The following PTPN22 variants were observed in gnomAD, a reference collection of about 807,000 sequenced individuals.
The protein encoded by PTPN22 is tyrosine-protein phosphatase non-receptor type 22.
Under a neutral mutation model 103.3 loss-of-function variants are expected in PTPN22, and 85 were observed. The ratio of observed to expected loss-of-function variants is 0.82; its 90% CI spans 0.69 to 0.99. The LOEUF is 0.99. Among genes scored for constraint, PTPN22 ranks in the 50% least tolerant of loss-of-function variants. The pLI is 0.00. For missense variants in PTPN22, 865 were observed against 936.9 expected, an observed-to-expected ratio of 0.92 and a Z score of 1.00; for synonymous variants, 323 against 310.2, an observed-to-expected ratio of 1.04 and a Z score of -0.43.
At chr1:113,861,237 G>GT (rs1553253300) in intron 1 of PTPN22, among the ~76,000 whole-genome samples, 1 of 151,718 alleles carries the variant, frequency 6.6e-6, no homozygotes, top group Non-Finnish European at 1.5e-5. Context: ...TTTTTTGTTT[G>GT]TTTGTTTTTG....
chr1:113,827,340 C>A (rs1184208675), intron 18 of PTPN22, among the ~76,000 whole-genome samples: 1 of 152,162 alleles, frequency 6.6e-6, no homozygotes, highest in African/African-American at 2.4e-5. Context: ...GTTTCTAATG[C>A]TCCTCCTGTA....
At chr1:113,852,742 G>C (rs1664680931) in intron 9 of PTPN22, among the ~76,000 whole-genome samples, 1 of 152,138 alleles carries the variant, frequency 6.6e-6, no homozygotes, top group South Asian at 2.1e-4. Flanking sequence ...TACACTATTG[G>C]AATCTCCAAA....
intron 14 of PTPN22, 152 bp downstream of exon 14, chr1:113,834,758 A>AGTGAGAC: frequency 1.3e-6 from 1 of 740,784 alleles, no homozygotes; most frequent in East Asian, 2.6e-5. Flanking sequence ...ATGAGGTCTC[A>AGTGAGAC]CTATGTTGCG....
In PTPN22 at chr1:113,858,990, C is replaced by A; in HGVS notation, c.273+12G>T. The A allele has an allele frequency of 6.2e-7, 1 of 1,611,116 alleles. No homozygotes were observed. Among genetic ancestry groups the A allele is most frequent in the Non-Finnish European group, 8.5e-7 (1 of 1,178,860 alleles). On this transcript the variant is annotated intron_variant, in intron 3 of 20. Coordinates refer to ENST00000359785, the Ensembl canonical transcript of PTPN22. Reference sequence around the variant, plus strand: ...GAGAAATATGGAATGCTTTTATTTTCTTTCACTGTACCTTAATGAAGTTGG... The same window carrying A: ...GAGAAATATGGAATGCTTTTATTTTATTTCACTGTACCTTAATGAAGTTGG...
intron 19 of PTPN22, among the ~76,000 whole-genome samples, chr1:113,820,154 A>T (rs1463319960): frequency 6.6e-6 from 1 of 151,882 alleles, no homozygotes; most frequent in East Asian, 1.9e-4. Context: ...ATTATAAGTG[A>T]TTCTAATTTA....
At chr1:113,865,323 A>G (rs1232992122) in intron 1 of PTPN22, among the ~76,000 whole-genome samples, 1 of 152,224 alleles carries the variant, frequency 6.6e-6, no homozygotes, top group Non-Finnish European at 1.5e-5. Flanking sequence ...ATCAGAAAAA[A>G]AGTCATGATT....
At chr1:113,820,747 T>C (rs1406116099) in intron 19 of PTPN22, among the ~76,000 whole-genome samples, 2 of 152,150 alleles carry the variant, frequency 1.3e-5, no homozygotes, top group South Asian at 2.1e-4. Context: ...TGGGAAGATA[T>C]TAAGTGTTTT....
chr1:113,830,922 C>T (rs914592425), intron 16 of PTPN22, among the ~76,000 whole-genome samples: 18 of 152,068 alleles, frequency 1.2e-4, no homozygotes, highest in African/African-American at 4.3e-4. Context: ...TAGAATTTGT[C>T]TTATCAATAA....
At chr1:113,839,251 T>C (rs1443778744) in intron 11 of PTPN22, among the ~76,000 whole-genome samples, 1 of 152,054 alleles carries the variant, frequency 6.6e-6, no homozygotes, top group Non-Finnish European at 1.5e-5. Context: ...TGCTCAATCT[T>C]CTTCTTTTTT....
intron 9 of PTPN22, 84 bp from the exon 10 acceptor site, chr1:113,852,188 G>T: frequency 2.0e-6 from 2 of 992,234 alleles, no homozygotes; most frequent in Non-Finnish European, 3.0e-6. Flanking sequence ...TACTTCCATG[G>T]CATCTGCTCT....
At position 113,826,831 on chromosome 1, in the gene PTPN22, G is replaced by A. The variant is rs1475576880; in HGVS notation, c.2251-1659C>T. ...ACTACAGGCGCCCGCCACTACGCCCGGCTAATTTTTTGTATTTTTAGTAGA... is the reference window on the plus strand; with the variant it reads ...ACTACAGGCGCCCGCCACTACGCCCAGCTAATTTTTTGTATTTTTAGTAGA... On this transcript the variant is annotated intron_variant, in intron 18 of 20. Transcript: ENST00000359785. Among the ~76,000 whole-genome samples the A allele has an allele frequency of 2.0e-5, 3 of 150,698 alleles. No homozygotes were observed. The South Asian group carries it at 6.3e-4, about 32-fold the overall frequency.
At chr1:113,817,189 A>C (rs1661234091) in intron 20 of PTPN22, among the ~76,000 whole-genome samples, 1 of 152,184 alleles carries the variant, frequency 6.6e-6, no homozygotes, top group Non-Finnish European at 1.5e-5. Context: ...ATTGTAACCC[A>C]AGTGGACTAG....
chr1:113,814,496 G>GTT, exon 21 of PTPN22: 1 of 158,304 alleles, frequency 6.3e-6, no homozygotes, highest in Non-Finnish European at 1.4e-5. Context: ...CACAAAGTAA[G>GTT]TTTTTTTTTT....
At chr1:113,830,177 C>G (rs932666494) in intron 16 of PTPN22, 148 bp from the exon 17 acceptor site, 103 of 657,304 alleles carry the variant, frequency 1.6e-4, no homozygotes, top group Non-Finnish European at 2.3e-4. Context: ...TGACTGGAGC[C>G]TCAAGAACTT....
intron 1 of PTPN22, among the ~76,000 whole-genome samples, chr1:113,860,870 C>T (rs1489473301): frequency 2.6e-5 from 4 of 152,146 alleles, no homozygotes; most frequent in African/African-American, 4.8e-5. Context: ...GCTTGTGGAA[C>T]GCTTTCTAGG....
Position 113,843,099 on chromosome 1 carries a change from CA to C in PTPN22, c.916-4480del, listed in dbSNP as rs71090738. 7.7e-4 allele frequency among the ~76,000 whole-genome samples: 37 copies of C among 47,896 alleles called. 1 individual carries two copies. The highest frequency in any genetic ancestry group is 1.1e-3 in the Admixed American group (6 of 5,230). The allele number at this position is 47,896 out of a possible 152,430, so 31.4% of individuals were successfully genotyped here. A position where few individuals can be genotyped will look rare whatever the true frequency, so the allele number is the denominator to read the frequency against. On this transcript the variant is annotated intron_variant, in intron 11 of 20. Transcript: ENST00000359785. ...TGGGCGACAGAGCGAGACTCCGTCTCAAAAAAAAAAAAAAAGAAAACTAAAC... is the reference window on the plus strand; with the variant it reads ...TGGGCGACAGAGCGAGACTCCGTCTCAAAAAAAAAAAAAAGAAAACTAAAC...
chr1:113,855,108 G>A, intron 7 of PTPN22, 59 bp from the exon 8 acceptor site: 1 of 1,456,460 alleles, frequency 6.9e-7, no homozygotes, highest in Non-Finnish European at 9.6e-7. Context: ...ACCACCTATT[G>A]GGTATTATGC....
At position 113,833,129 on chromosome 1, in the gene PTPN22, GT is replaced by G; in HGVS notation, c.2034del (p.Lys678AsnfsTer25). On this transcript the variant is annotated frameshift_variant, in exon 16 of 21. Transcript: ENST00000359785. LOFTEE classifies it high-confidence loss of function. ...TTTTTACCTGATTTAGGACTTCGGA[GT>G]TTTACACTCTAAAAGAAAAAAAGAA... is the stretch of plus-strand genomic sequence containing the variant. 1.3e-6 allele frequency: 2 copies of G among 1,565,448 alleles called. No homozygotes were observed. Among genetic ancestry groups the G allele is most frequent in the Non-Finnish European group, 1.8e-6 (2 of 1,141,342 alleles).
At chr1:113,859,851 C>T (rs1371769042) in intron 1 of PTPN22, among the ~76,000 whole-genome samples, 1 of 151,642 alleles carries the variant, frequency 6.6e-6, no homozygotes, top group Non-Finnish European at 1.5e-5. Context: ...TTCTATTAGT[C>T]TTTTTACTTC....
Sources: gnomAD v4.1 joint callset for allele counts (sites outside exome capture counted in the v4.1 genomes callset) on GRCh38, gnomAD v4.1.1 for gene constraint, MANE v1.5 for transcripts, NCBI Gene and HGNC (gene_info 2026-07-23, HGNC 2026-07-21) for gene names.